Variants in GRIN2A observed in about 807,000 individuals in gnomAD.
The protein encoded by GRIN2A is glutamate receptor ionotropic, NMDA 2A.
Under a neutral mutation model 113.4 loss-of-function variants are expected in GRIN2A, and 22 were observed. The ratio of observed to expected loss-of-function variants is 0.19; its 90% CI spans 0.14 to 0.28. The LOEUF is 0.28. GRIN2A is among the 10% of genes least tolerant of loss of function. The pLI is 1.00. For synonymous variants in GRIN2A, 827 were observed against 738.4 expected (o/e 1.12, Z -1.94); for missense variants, 1,502 against 1,887.0 (o/e 0.80, Z 3.78).
intron 2 of GRIN2A, among the ~76,000 whole-genome samples, chr16:9,977,615 A>G (rs2045801976): frequency 6.6e-6 from 1 of 152,174 alleles, no homozygotes; most frequent in Non-Finnish European, 1.5e-5. Context: ...TCAAGCAATC[A>G]TTAACCACAG....
chr16:9,986,965 C>T lies in GRIN2A; in HGVS notation c.415-48414G>A, dbSNP rs536038312. Among the ~76,000 whole-genome samples the T allele has an allele frequency of 7.9e-5, 12 of 152,088 alleles. No homozygotes were observed. The South Asian group carries it at 1.0e-3, about 13-fold the overall frequency. On this transcript the variant is annotated intron_variant, in intron 2 of 12. Transcript: ENST00000330684. ...ATGAGCTTTTCAGTGTGCATATACC[C>T]GAGTTTCCTTCCAGCACCACTGAAT...
At chr16:10,179,893 C>CCCCCCCCAAAAAAAA in intron 2 of GRIN2A, 105 bp downstream of exon 2, 1 of 719,818 alleles carries the variant, frequency 1.4e-6, no homozygotes, top group Non-Finnish European at 2.4e-6. Flanking sequence ...CCCCCACCCC[C>CCCCCCCCAAAAAAAA]ACTTCACATC....
At chr16:10,071,320 G>C (rs1489267666) in intron 2 of GRIN2A, among the ~76,000 whole-genome samples, 6 of 152,154 alleles carry the variant, frequency 3.9e-5, no homozygotes, top group African/African-American at 1.4e-4. Flanking sequence ...GTCATTGTCA[G>C]TAATTGGAAT....
intron 2 of GRIN2A, among the ~76,000 whole-genome samples, chr16:10,034,038 T>G (rs1283390140): frequency 1.3e-5 from 2 of 152,166 alleles, no homozygotes; most frequent in African/African-American, 4.8e-5. Context: ...GAACACCTGC[T>G]GAAAGGTGAA....
chr16:9,975,972 G>A (rs571997954), intron 2 of GRIN2A, among the ~76,000 whole-genome samples: 2 of 152,262 alleles, frequency 1.3e-5, no homozygotes, highest in Non-Finnish European at 2.9e-5. Flanking sequence ...AACCATAAAT[G>A]TGTATGAACT....
chr16:9,773,622 A>G (rs1901419101), intron 11 of GRIN2A, among the ~76,000 whole-genome samples: 1 of 152,130 alleles, frequency 6.6e-6, no homozygotes, highest in South Asian at 2.1e-4. Context: ...CCCACCGGAG[A>G]GGACTGGTCC....
intron 10 of GRIN2A, among the ~76,000 whole-genome samples, chr16:9,805,192 G>A (rs561745465): frequency 4.1e-4 from 62 of 152,298 alleles, no homozygotes; most frequent in African/African-American, 1.3e-3. Context: ...CATTAGGGAT[G>A]GGAACTTGTA....
chr16:9,831,514 C>CT (rs2042495157), intron 8 of GRIN2A, among the ~76,000 whole-genome samples: 2 of 124,090 alleles, frequency 1.6e-5, no homozygotes. Context: ...TTTTTCTTTT[C>CT]TTTTTCTTTT....
chr16:10,180,553 G>A lies in GRIN2A; in HGVS notation c.-18-124C>T, dbSNP rs1220248669. 1.3e-6 allele frequency: 2 copies of A among 1,489,992 alleles called. No individual in the cohort carries two copies. Among genetic ancestry groups the A allele is most frequent in the East Asian group, 2.5e-5 (1 of 40,594 alleles). The allele number at this position is 1,489,992 out of a possible 1,614,324, so 92.3% of individuals were successfully genotyped here. A position where few individuals can be genotyped will look rare whatever the true frequency, so the allele number is the denominator to read the frequency against. On this transcript the variant is annotated intron_variant, in intron 1 of 12. Coordinates refer to ENST00000330684, the MANE Select transcript of GRIN2A (RefSeq NM_001134407.3). The surrounding 1 kb of genome is among the most constrained non-coding windows in gnomAD (Gnocchi z 7.0). ...ACTCAGCAGCAGGATAGGCTGCTGG[G>A]ATCACGGACTCCATTCCGAGTCCCC...
intron 2 of GRIN2A, among the ~76,000 whole-genome samples, chr16:9,969,003 T>C (rs1423003849): frequency 6.6e-6 from 1 of 152,206 alleles, no homozygotes; most frequent in Non-Finnish European, 1.5e-5. Context: ...TAATGTGCAA[T>C]CAATATAAAA....
intron 2 of GRIN2A, among the ~76,000 whole-genome samples, chr16:10,024,699 T>A (rs1035163915): frequency 6.6e-6 from 1 of 152,184 alleles, no homozygotes; most frequent in African/African-American, 2.4e-5. Flanking sequence ...AGTGTCAAGA[T>A]GAGAAGCCTA....
chr16:10,044,007 G>GTGTATATATATA (rs1555469968), intron 2 of GRIN2A, among the ~76,000 whole-genome samples: 5 of 116,938 alleles, frequency 4.3e-5, no homozygotes, highest in South Asian at 3.2e-4. Context: ...GTGTGTGTGT[G>GTGTATATATATA]TATATATATA....
At chr16:10,044,352 G>A (rs1052668268) in intron 2 of GRIN2A, among the ~76,000 whole-genome samples, 5 of 151,586 alleles carry the variant, frequency 3.3e-5, no homozygotes, top group African/African-American at 4.9e-5. Context: ...TTTCACACCC[G>A]GCCTACAATA....
chr16:10,084,576 T>C (rs1298909538), intron 2 of GRIN2A, among the ~76,000 whole-genome samples: 1 of 152,092 alleles, frequency 6.6e-6, no homozygotes, highest in Non-Finnish European at 1.5e-5. Context: ...CAAAATCTCA[T>C]TTTGGAATTG....
At chr16:10,138,956 C>A (rs1427000332) in intron 2 of GRIN2A, among the ~76,000 whole-genome samples, 2 of 152,120 alleles carry the variant, frequency 1.3e-5, no homozygotes, top group African/African-American at 4.8e-5. Flanking sequence ...TTTCAGAATT[C>A]TTGGTATGGG....
At chr16:10,088,614 A>G (rs2048126868) in intron 2 of GRIN2A, among the ~76,000 whole-genome samples, 1 of 152,242 alleles carries the variant, frequency 6.6e-6, no homozygotes, top group Non-Finnish European at 1.5e-5. Context: ...TTGTGTGTCC[A>G]ATTTCAAAGA....
intron 2 of GRIN2A, among the ~76,000 whole-genome samples, chr16:9,969,657 G>A (rs183086614): frequency 3.3e-5 from 5 of 152,146 alleles, no homozygotes; most frequent in African/African-American, 9.7e-5. Flanking sequence ...TAGACCAGTG[G>A]TTCTCAACAT....
At chr16:10,086,718 GC>G (rs1239734577) in intron 2 of GRIN2A, among the ~76,000 whole-genome samples, 2 of 151,926 alleles carry the variant, frequency 1.3e-5, no homozygotes, top group Admixed American at 6.5e-5. Context: ...GACCAGGCAA[GC>G]AAAGCGTAGG....
At chr16:10,147,497 A>G (rs1489288767) in intron 2 of GRIN2A, among the ~76,000 whole-genome samples, 2 of 148,774 alleles carry the variant, frequency 1.3e-5, no homozygotes, top group Non-Finnish European at 3.0e-5. Context: ...GCATGCAGGC[A>G]TGGTGGTACA....
Sources: gnomAD v4.1 joint callset for allele counts (sites outside exome capture counted in the v4.1 genomes callset) on GRCh38, gnomAD v4.1.1 for gene constraint, Gnocchi (gnomAD v3.1) non-coding constraint, MANE v1.5 for transcripts, NCBI Gene and HGNC (gene_info 2026-07-23, HGNC 2026-07-21) for gene names.